RAD50: variants seen among roughly 807,000 people sequenced by gnomAD.
The protein encoded by RAD50 is RAD50 double strand break repair protein, also known as DNA repair protein RAD50.
Under a neutral mutation model 168.8 loss-of-function variants are expected in RAD50, and 132 were observed. That is an observed-to-expected ratio of 0.78 (90% CI 0.68 to 0.90). The LOEUF (loss-of-function observed/expected upper bound fraction) is 0.90, where lower values mean the gene tolerates loss of function less well. Among genes scored for constraint, RAD50 ranks in the 40% least tolerant of loss-of-function variants. RAD50 has a pLI of 0.00. For missense variants in RAD50, 1,347 were observed against 1,534.4 expected, an observed-to-expected ratio of 0.88 and a Z score of 2.04; for synonymous variants, 525 against 497.4, an observed-to-expected ratio of 1.06 and a Z score of -0.74.
At chr5:132,597,083 G>C (rs1750804444) in intron 13 of RAD50, among the ~76,000 whole-genome samples, 2 of 152,154 alleles carry the variant, frequency 1.3e-5, no homozygotes, top group African/African-American at 4.8e-5. Context: ...ACCTAAGGGA[G>C]TTAGTGAAAG....
intron 19 of RAD50, among the ~76,000 whole-genome samples, chr5:132,614,468 T>C (rs1751140346): frequency 6.6e-6 from 1 of 151,984 alleles, no homozygotes; most frequent in Admixed American, 6.6e-5. Context: ...TTCAGTTGTC[T>C]CGGTATCTCT....
intron 21 of RAD50, among the ~76,000 whole-genome samples, chr5:132,632,284 A>G (rs1751489301): frequency 6.6e-6 from 1 of 152,250 alleles, no homozygotes; most frequent in Non-Finnish European, 1.5e-5. Context: ...CCCACGCTCC[A>G]TAACTGCAAA....
At chr5:132,599,634 C>T (rs376159645) in intron 13 of RAD50, among the ~76,000 whole-genome samples, 8 of 152,114 alleles carry the variant, frequency 5.3e-5, no homozygotes, top group African/African-American at 1.9e-4. Flanking sequence ...TATAGCTCAT[C>T]GAAGCCTCGA....
intron 19 of RAD50, among the ~76,000 whole-genome samples, chr5:132,611,506 C>G (rs543339417): frequency 7.2e-5 from 11 of 151,852 alleles, no homozygotes; most frequent in South Asian, 2.1e-4. Context: ...GAGATCGAGA[C>G]CATCCTGGCT....
intron 3 of RAD50, 54 bp downstream of exon 3, chr5:132,575,982 G>GT: frequency 6.7e-7 from 1 of 1,485,296 alleles, no homozygotes. Context: ...TTTTAGGTCT[G>GT]TAAGTTGATG....
intron 19 of RAD50, among the ~76,000 whole-genome samples, chr5:132,611,881 C>T (rs1037972493): frequency 2.6e-5 from 4 of 152,074 alleles, no homozygotes; most frequent in African/African-American, 9.7e-5. Flanking sequence ...CAGTGTATCT[C>T]AGCATCATTA....
At position 132,559,373 on chromosome 5, in the gene RAD50, G is replaced by C. The variant is rs373480018; in HGVS notation, c.213+6G>C. ...CATTTGTACACGATCCCAAGGTAAT[G>C]GTGCTAGTACAATTTTGTATTTTTA... On this transcript the variant is annotated splice_donor_region_variant and intron_variant, in intron 2 of 24. Transcript: ENST00000378823. 3.7e-6 allele frequency: 6 copies of C among 1,605,584 alleles called. No individual in the cohort carries two copies. The African/African-American group carries it at 8.0e-5, about 21-fold the overall frequency.
intron 19 of RAD50, among the ~76,000 whole-genome samples, chr5:132,611,705 T>TAAAAA (rs34112186): frequency 9.7e-6 from 1 of 102,980 alleles, no homozygotes; most frequent in Non-Finnish European, 1.9e-5. Context: ...GACTCCGTCT[T>TAAAAA]AAAAAAAAAA....
At chr5:132,578,506 A>T in intron 3 of RAD50, among the ~76,000 whole-genome samples, 2 of 144,328 alleles carry the variant, frequency 1.4e-5, no homozygotes, top group African/African-American at 2.6e-5. Context: ...TATATTCAGT[A>T]TAATATTTTT....
intron 7 of RAD50, 97 bp downstream of exon 7, chr5:132,588,186 G>A (rs1384526464): frequency 1.4e-6 from 2 of 1,403,962 alleles, no homozygotes; most frequent in Non-Finnish European, 2.0e-6. Flanking sequence ...TGAGTGAAAA[G>A]CCAATCTTAA....
intron 13 of RAD50, among the ~76,000 whole-genome samples, chr5:132,598,844 T>A (rs1750838316): frequency 6.6e-6 from 1 of 152,182 alleles, no homozygotes; most frequent in Non-Finnish European, 1.5e-5. Flanking sequence ...GAAACTGGCA[T>A]GGTGACACTT....
Position 132,616,138 on chromosome 5 carries a change from T to C in RAD50, c.3164+8T>C, listed in dbSNP as rs1554099806. Reference sequence around the variant, plus strand: ...GGTTTTGCAAATGAAAAGGTATGCTTTTAAAATAATCTTCAGTTTAAATAA... The same window carrying C: ...GGTTTTGCAAATGAAAAGGTATGCTCTTAAAATAATCTTCAGTTTAAATAA... On this transcript the variant is annotated splice_region_variant and intron_variant, in intron 20 of 24. Coordinates refer to ENST00000378823, the MANE Select transcript of RAD50 (RefSeq NM_005732.4). The C allele has an allele frequency of 3.7e-6, 6 of 1,610,292 alleles. No homozygotes were observed. Among genetic ancestry groups the C allele is most frequent in the Non-Finnish European group, 5.1e-6 (6 of 1,177,444 alleles).
rs1554099107 is a variant in RAD50 at position 132,603,424 on chromosome 5, A to G, written c.2332A>G (p.Ile778Val). ...AGAACAAGAAACACTCTTGGGTACAATAATGCCTGAAGAAGAAAGTGCCAA... is the reference window on the plus strand; with the variant it reads ...AGAACAAGAAACACTCTTGGGTACAGTAATGCCTGAAGAAGAAAGTGCCAA... ...IEEQETLLGT[I>V]MPEEESAKVC... Residue 778 changes from isoleucine (I) to valine (V), a missense_variant, in exon 14 of 25, where the codon ATA (isoleucine) becomes GTA (valine). By Grantham distance (29) the Ile-to-Val change is conservative. Around this residue, in one of 3 missense-constraint regions of RAD50, gnomAD observed 635 missense variants for 739.2 expected, o/e 0.86. Transcript: ENST00000378823. 3.7e-6 allele frequency: 6 copies of G among 1,614,020 alleles called. No homozygotes were observed. Among genetic ancestry groups the G allele is most frequent in the Non-Finnish European group, 5.1e-6 (6 of 1,179,926 alleles).
At chr5:132,559,492 C>T in intron 2 of RAD50, 125 bp downstream of exon 2, 1 of 893,100 alleles carries the variant, frequency 1.1e-6, no homozygotes, top group Non-Finnish European at 1.7e-6. Flanking sequence ...TTTTAGCACC[C>T]AGTAGTAACC....
chr5:132,627,077 C>T (rs189095546), intron 21 of RAD50, among the ~76,000 whole-genome samples: 31 of 152,230 alleles, frequency 2.0e-4, no homozygotes, highest in Admixed American at 1.1e-3. Context: ...AACGAGGTTT[C>T]GCCATGATGA....
At chr5:132,569,641 CATTT>C (rs1462444659) in intron 2 of RAD50, among the ~76,000 whole-genome samples, 2 of 152,172 alleles carry the variant, frequency 1.3e-5, no homozygotes, top group African/African-American at 4.8e-5. Flanking sequence ...ACCTGATTGA[CATTT>C]ATAGGACATT....
intron 21 of RAD50, among the ~76,000 whole-genome samples, chr5:132,628,660 A>G (rs1292695014): frequency 6.6e-6 from 1 of 152,126 alleles, no homozygotes; most frequent in Non-Finnish European, 1.5e-5. Flanking sequence ...AGCCTGACCA[A>G]CATGGGGAAA....
chr5:132,584,427 T>A (rs538690259), intron 5 of RAD50, among the ~76,000 whole-genome samples: 2 of 152,262 alleles, frequency 1.3e-5, no homozygotes, highest in Non-Finnish European at 2.9e-5. Context: ...TCAGATGAGT[T>A]GATTGCAAAA....
In RAD50 at chr5:132,642,230, CAT is replaced by C. The variant is rs1085307088; in HGVS notation, c.3806_3807del (p.His1269ArgfsTer2). 1 of 1,614,142 alleles carries C rather than the reference CAT, an allele frequency of 6.2e-7. No individual in the cohort carries two copies. The highest frequency in any genetic ancestry group is 2.2e-5 in the East Asian group (1 of 44,886). On this transcript the variant is annotated frameshift_variant, in exon 25 of 25. Coordinates refer to ENST00000378823, the MANE Select transcript of RAD50 (RefSeq NM_005732.4). LOFTEE classifies it high-confidence loss of function. ...TAACTTCCAGCTTCTGGTAATCACT[CAT>C]GATGAAGATTTTGTGGAGCTTTTAG... The part of the protein sequence containing the change: ...QRNFQLLVIT[H>X]DEDFVELLGR...
Sources: allele counts gnomAD v4.1 joint callset (sites outside exome capture counted in the v4.1 genomes callset), GRCh38; gene constraint gnomAD v4.1.1; regional missense constraint gnomAD v4.1.1; transcripts MANE v1.5; gene names NCBI Gene and HGNC (gene_info 2026-07-23, HGNC 2026-07-21).